CEP128: variants seen among roughly 807,000 people sequenced by gnomAD.
The protein encoded by CEP128 is centrosomal protein 128.
CEP128 carries 132 observed loss-of-function variants against 156.7 expected under a neutral mutation model. That is an observed-to-expected ratio of 0.84 (90% CI 0.73 to 0.97). The LOEUF (loss-of-function observed/expected upper bound fraction) is 0.97, where lower values mean the gene tolerates loss of function less well. CEP128 is among the 50% of genes least tolerant of loss of function. CEP128 has a pLI of 0.00. For missense variants in CEP128, 1,252 were observed against 1,281.9 expected (o/e 0.98, Z 0.36); for synonymous variants, 469 against 448.9 (o/e 1.04, Z -0.57).
intron 14 of CEP128, among the ~76,000 whole-genome samples, chr14:80,787,958 G>A (rs546822720): frequency 1.3e-5 from 2 of 152,276 alleles, no homozygotes; most frequent in East Asian, 3.9e-4. Flanking sequence ...TCCATCTTTT[G>A]CTGTCTTTGC....
Position 80,840,684 on chromosome 14 carries a change from G to A in CEP128, c.847C>T (p.Gln283Ter). Reference protein sequence around the residue: ...KLRQTETEKNQLEQELELSRR... With the variant: ...KLRQTETEKN ...AAAGATAACTTTTAAAATCTTACTT[G>A]ATTCTTCTCAGTTTCAGTTTGTCTT... is the stretch of plus-strand genomic sequence containing the variant. The change falls in exon 10 of 25, where the codon CAA becomes TAA. Residue 283 changes from glutamine (Q) to a stop codon, truncating the protein, a stop_gained and splice_region_variant. Coordinates refer to ENST00000555265, the MANE Select transcript of CEP128 (RefSeq NM_152446.5). LOFTEE classifies it high-confidence loss of function. The A allele has an allele frequency of 3.2e-6, 5 of 1,586,278 alleles. No individual in the cohort carries two copies. Among genetic ancestry groups the A allele is most frequent in the Non-Finnish European group, 4.3e-6 (5 of 1,156,516 alleles).
At chr14:80,666,389 TC>T (rs1175922033) in intron 19 of CEP128, among the ~76,000 whole-genome samples, 2 of 152,172 alleles carry the variant, frequency 1.3e-5, no homozygotes, top group African/African-American at 4.8e-5. Flanking sequence ...AGGCAGGCCT[TC>T]CTAATGTCTG....
At chr14:80,630,168 A>G (rs1410758012) in intron 19 of CEP128, among the ~76,000 whole-genome samples, 1 of 151,996 alleles carries the variant, frequency 6.6e-6, no homozygotes, top group Non-Finnish European at 1.5e-5. Flanking sequence ...AAAGTAGATA[A>G]AAATCAACTA....
chr14:80,803,355 TA>T (rs11374763), intron 13 of CEP128, among the ~76,000 whole-genome samples: 154 of 143,706 alleles, frequency 1.1e-3, no homozygotes, highest in Admixed American at 1.6e-3. Context: ...AGCCCTATGT[TA>T]AAAAAAAAAA....
chr14:80,684,131 T>C (rs556479786), intron 19 of CEP128, among the ~76,000 whole-genome samples: 1 of 151,998 alleles, frequency 6.6e-6, no homozygotes, highest in South Asian at 2.1e-4. Context: ...CAAATATCCA[T>C]ACAAAGAACC....
At chr14:80,863,986 A>T (rs1887645168) in intron 8 of CEP128, among the ~76,000 whole-genome samples, 1 of 152,216 alleles carries the variant, frequency 6.6e-6, no homozygotes, top group South Asian at 2.1e-4. Flanking sequence ...AGGTCTACTT[A>T]TAAGTGGATT....
intron 19 of CEP128, among the ~76,000 whole-genome samples, chr14:80,617,307 T>G (rs1043645366): frequency 1.5e-5 from 2 of 135,886 alleles, no homozygotes; most frequent in Non-Finnish European, 3.1e-5. Context: ...CTTGGCTCAC[T>G]GCAAGCTCCA....
chr14:80,709,190 C>T (rs988016191), intron 19 of CEP128, among the ~76,000 whole-genome samples: 4 of 151,030 alleles, frequency 2.6e-5, no homozygotes, highest in East Asian at 1.9e-4. Context: ...TCCAGGCTGA[C>T]GTGCAATGGC....
At chr14:80,491,643 G>A (rs1887328654), downstream of CEP128, among the ~76,000 whole-genome samples, 3 of 152,150 alleles carry the variant, frequency 2.0e-5, no homozygotes, top group South Asian at 6.2e-4. Context: ...CAAAATGACA[G>A]ACAAGCACAG....
At position 80,644,435 on chromosome 14, in the gene CEP128, C is replaced by A. The variant is rs116761913; in HGVS notation, c.2807-64012G>T. ...CTGCAAAAGCAAGGAAGGACACAAG[C>A]CAGTAAGACATGGGTGTTACACTAT... On this transcript the variant is annotated intron_variant, in intron 19 of 24. Transcript: ENST00000555265. 5.0e-3 allele frequency among the ~76,000 whole-genome samples: 758 copies of A among 152,254 alleles called. 2 individuals carry two copies. The highest frequency in any genetic ancestry group is 0.017 in the African/African-American group (723 of 41,540).
At chr14:80,869,009 T>C (rs528703210) in intron 8 of CEP128, among the ~76,000 whole-genome samples, 1 of 152,158 alleles carries the variant, frequency 6.6e-6, no homozygotes, top group South Asian at 2.1e-4. Flanking sequence ...TCTTAATAGA[T>C]CTGAAGAAAA....
At chr14:80,907,248 C>T (rs377337913) in intron 4 of CEP128, among the ~76,000 whole-genome samples, 37 of 152,146 alleles carry the variant, frequency 2.4e-4, no homozygotes, top group African/African-American at 8.7e-4. Context: ...GAAGCTGCTT[C>T]TTTTGTCCCT....
chr14:80,495,873 T>G (rs1413148574), downstream of CEP128, among the ~76,000 whole-genome samples: 1 of 152,208 alleles, frequency 6.6e-6, no homozygotes, highest in Non-Finnish European at 1.5e-5. Flanking sequence ...TAAAATACTT[T>G]GATGTTGGTC....
At chr14:80,657,947 G>A (rs745404545) in intron 19 of CEP128, among the ~76,000 whole-genome samples, 10 of 152,102 alleles carry the variant, frequency 6.6e-5, no homozygotes, top group Non-Finnish European at 1.0e-4. Flanking sequence ...GAACTCTTAC[G>A]TAAACCAAGT....
chr14:80,500,801 C>T (rs1389786159), intron 24 of CEP128, among the ~76,000 whole-genome samples: 2 of 152,130 alleles, frequency 1.3e-5, no homozygotes, highest in African/African-American at 4.8e-5. Context: ...CCCATACTCC[C>T]AATATAGTTA....
intron 19 of CEP128, among the ~76,000 whole-genome samples, chr14:80,717,648 T>C (rs775951988): frequency 3.9e-5 from 6 of 152,160 alleles, no homozygotes; most frequent in African/African-American, 1.4e-4. Flanking sequence ...GAGTACACAC[T>C]TAATATCAGA....
At chr14:80,653,330 T>A (rs8007955) in intron 19 of CEP128, among the ~76,000 whole-genome samples, 1 of 151,710 alleles carries the variant, frequency 6.6e-6, no homozygotes, top group South Asian at 2.1e-4. Context: ...ACTTAAAGTT[T>A]AATAATAAAA....
intron 21 of CEP128, among the ~76,000 whole-genome samples, chr14:80,551,362 G>A (rs1239731878): frequency 2.0e-5 from 3 of 152,100 alleles, no homozygotes; most frequent in Admixed American, 2.0e-4. Context: ...AACACTATTC[G>A]ATTACTGTAA....
intron 16 of CEP128, among the ~76,000 whole-genome samples, chr14:80,763,602 T>C (rs1018681988): frequency 6.6e-6 from 1 of 152,196 alleles, no homozygotes; most frequent in Non-Finnish European, 1.5e-5. Flanking sequence ...AAGCAAATCA[T>C]TCCCATAGTA....
Sources: allele counts gnomAD v4.1 joint callset (sites outside exome capture counted in the v4.1 genomes callset), GRCh38; gene constraint gnomAD v4.1.1; transcripts MANE v1.5; gene names NCBI Gene and HGNC (gene_info 2026-07-23, HGNC 2026-07-21).